ARHGAP24: variants seen among roughly 807,000 people sequenced by gnomAD.
The protein encoded by ARHGAP24 is Rho GTPase activating protein 24.
ARHGAP24 carries 50 observed loss-of-function variants against 76.4 expected under a neutral mutation model. The observed-to-expected ratio is 0.65, with a 90% confidence interval of 0.52 to 0.83. The LOEUF (loss-of-function observed/expected upper bound fraction) is 0.83, where lower values mean the gene tolerates loss of function less well. Ranked by LOEUF, ARHGAP24 falls within the 40% of genes least tolerant of loss-of-function variation. The probability of loss-of-function intolerance (pLI) is 0.00; values close to 1 mark genes in which losing one functional copy is unlikely to be tolerated. For missense variants in ARHGAP24, 930 were observed against 914.2 expected (o/e 1.02, Z -0.22); for synonymous variants, 345 against 323.3 (o/e 1.07, Z -0.72).
chr4:85,657,765 A>G (rs1722227834), intron 2 of ARHGAP24, among the ~76,000 whole-genome samples: 1 of 152,180 alleles, frequency 6.6e-6, no homozygotes, highest in South Asian at 2.1e-4. Flanking sequence ...AATTATTGTT[A>G]TTATTTTGAG....
intron 5 of ARHGAP24, among the ~76,000 whole-genome samples, chr4:85,954,688 T>C (rs1434771081): frequency 1.3e-5 from 2 of 152,236 alleles, no homozygotes; most frequent in Non-Finnish European, 2.9e-5. Flanking sequence ...AGATCCTTGC[T>C]TGTTTTAATT....
intron 3 of ARHGAP24, among the ~76,000 whole-genome samples, chr4:85,868,268 G>C (rs1054397015): frequency 2.0e-5 from 3 of 152,094 alleles, no homozygotes; most frequent in Non-Finnish European, 4.4e-5. Context: ...GTTAAGGTAA[G>C]GGTTGTGGAA....
At chr4:85,758,310 C>T (rs146987999) in intron 3 of ARHGAP24, among the ~76,000 whole-genome samples, 59 of 152,172 alleles carry the variant, frequency 3.9e-4, no homozygotes, top group African/African-American at 1.3e-3. Context: ...TATGCCCATG[C>T]GAGGAATCAA....
chr4:85,756,153 A>G (rs1169686849), intron 3 of ARHGAP24, among the ~76,000 whole-genome samples: 1 of 152,230 alleles, frequency 6.6e-6, no homozygotes, highest in Admixed American at 6.5e-5. Context: ...ATCTTACAAT[A>G]GATTACAACA....
At chr4:85,759,580 C>T (rs868560196) in intron 3 of ARHGAP24, among the ~76,000 whole-genome samples, 57 of 152,046 alleles carry the variant, frequency 3.7e-4, no homozygotes, top group Admixed American at 3.5e-3. Context: ...GTATCCACAC[C>T]GAGTCACATG....
At chr4:85,944,499 T>G (rs1458190818) in intron 5 of ARHGAP24, among the ~76,000 whole-genome samples, 1 of 152,174 alleles carries the variant, frequency 6.6e-6, no homozygotes, top group Non-Finnish European at 1.5e-5. Context: ...TTGCAAAAAT[T>G]TTCTCCCATT....
At chr4:85,544,743 A>C (rs1007502179) in intron 1 of ARHGAP24, among the ~76,000 whole-genome samples, 1 of 152,146 alleles carries the variant, frequency 6.6e-6, no homozygotes, top group African/African-American at 2.4e-5. Context: ...TTTGCAAGAC[A>C]ATGAGTCAGA....
intron 3 of ARHGAP24, among the ~76,000 whole-genome samples, chr4:85,847,971 G>A (rs1447579638): frequency 1.3e-5 from 2 of 152,058 alleles, no homozygotes; most frequent in Non-Finnish European, 2.9e-5. Flanking sequence ...AAGGAATCTA[G>A]GCATGTACTG....
chr4:85,545,373 T>A (rs1278427742), intron 1 of ARHGAP24, among the ~76,000 whole-genome samples: 1 of 152,208 alleles, frequency 6.6e-6, no homozygotes, highest in Non-Finnish European at 1.5e-5. Flanking sequence ...GTGCTGGGAT[T>A]ACAGACGTGA....
chr4:85,836,167 C>T (rs1730278262), intron 3 of ARHGAP24, among the ~76,000 whole-genome samples: 1 of 152,162 alleles, frequency 6.6e-6, no homozygotes, highest in South Asian at 2.1e-4. Context: ...TGTTCACATT[C>T]CTCAGGTTGT....
chr4:85,900,747 A>G (rs770889291), intron 3 of ARHGAP24, among the ~76,000 whole-genome samples: 5 of 152,186 alleles, frequency 3.3e-5, no homozygotes, highest in Admixed American at 6.5e-5. Context: ...TCTTCGCACC[A>G]CAAAGGCAAG....
intron 2 of ARHGAP24, among the ~76,000 whole-genome samples, chr4:85,711,420 AAT>A (rs1363978117): frequency 6.6e-6 from 1 of 152,166 alleles, no homozygotes; most frequent in African/African-American, 2.4e-5. Context: ...GTTTTTGTGA[AAT>A]ATGTTGTTTT....
chr4:85,740,845 C>T (rs1197183247), intron 3 of ARHGAP24, among the ~76,000 whole-genome samples: 1 of 152,160 alleles, frequency 6.6e-6, no homozygotes, highest in Non-Finnish European at 1.5e-5. Flanking sequence ...CTTATAGATG[C>T]AGCTCAGTAG....
At chr4:85,581,041 A>G (rs1284622962) in intron 2 of ARHGAP24, among the ~76,000 whole-genome samples, 5 of 152,180 alleles carry the variant, frequency 3.3e-5, no homozygotes, top group African/African-American at 1.2e-4. Context: ...AGTGGAACTA[A>G]TATTTTCTCA....
intron 3 of ARHGAP24, among the ~76,000 whole-genome samples, chr4:85,828,518 T>G (rs1426113444): frequency 3.3e-5 from 5 of 151,460 alleles, no homozygotes; most frequent in African/African-American, 1.2e-4. Context: ...CGTGTGTGTT[T>G]TTTTTTTTTT....
chr4:85,995,513 G>A lies in ARHGAP24; in HGVS notation c.1859G>A (p.Ser620Asn). ...KSDHRSVGGR[S>N]SRATSSSDNS... ...GACCACAGGAGTGTGGGAGGTCGAA[G>A]TAGTCGTGCCACCAGTAGCAGTGAC... Residue 620 changes from serine (S) to asparagine (N), a missense_variant, in exon 9 of 10, where the codon AGT becomes AAT. Ser to Asn is a conservative substitution (Grantham distance 46). Coordinates refer to ENST00000395184, the MANE Select transcript of ARHGAP24 (RefSeq NM_001025616.3). 6.2e-7 allele frequency: 1 copy of A among 1,604,232 alleles called. No homozygotes were observed. The highest frequency in any genetic ancestry group is 1.1e-5 in the South Asian group (1 of 89,320).
intron 3 of ARHGAP24, among the ~76,000 whole-genome samples, chr4:85,799,657 G>C (rs1728500313): frequency 6.6e-6 from 1 of 152,274 alleles, no homozygotes; most frequent in Middle Eastern, 3.4e-3. Context: ...AGTGGAACCA[G>C]TAAATTTGCA....
intron 8 of ARHGAP24, among the ~76,000 whole-genome samples, chr4:85,992,912 C>T (rs11934773): frequency 0.054 from 8,277 of 152,064 alleles, 563 homozygotes; most frequent in African/African-American, 0.16. Context: ...ATTACTGCTA[C>T]GGTTTTAAAT....
chr4:85,821,934 T>C (rs1178318942), intron 3 of ARHGAP24, among the ~76,000 whole-genome samples: 1 of 152,178 alleles, frequency 6.6e-6, no homozygotes, highest in East Asian at 1.9e-4. Context: ...TATTTACTGT[T>C]TTTCTTAAGA....
Sources: gnomAD v4.1 joint callset for allele counts (sites outside exome capture counted in the v4.1 genomes callset) on GRCh38, gnomAD v4.1.1 for gene constraint, MANE v1.5 for transcripts, NCBI Gene and HGNC (gene_info 2026-07-23, HGNC 2026-07-21) for gene names.